PLA2G6: variants seen among roughly 807,000 people sequenced by gnomAD.
PLA2G6 encodes the protein phospholipase A2 group VI.
PLA2G6 carries 62 observed loss-of-function variants against 83.8 expected under a neutral mutation model. The observed-to-expected ratio is 0.74, with a 90% CI of 0.60 to 0.91. The LOEUF is 0.91. Ranked by LOEUF, PLA2G6 falls within the 40% of genes least tolerant of loss-of-function variation. PLA2G6 has a pLI of 0.00. For synonymous variants in PLA2G6, 417 were observed against 449.8 expected (o/e 0.93, Z 0.92); for missense variants, 944 against 1,102.0 (o/e 0.86, Z 2.03).
intron 2 of PLA2G6, among the ~76,000 whole-genome samples, chr22:38,161,230 A>G (rs751999987): frequency 6.6e-6 from 1 of 152,150 alleles, no homozygotes; most frequent in Non-Finnish European, 1.5e-5. Flanking sequence ...AACAACCTTT[A>G]TTTCTCACAG....
intron 2 of PLA2G6, among the ~76,000 whole-genome samples, chr22:38,163,195 C>T (rs1011768749): frequency 6.6e-6 from 1 of 152,226 alleles, no homozygotes; most frequent in Non-Finnish European, 1.5e-5. Flanking sequence ...ACAGGCCCTT[C>T]CTGCCCACAG....
chr22:38,133,300 G>T (rs943114860), intron 6 of PLA2G6: 2 of 526,016 alleles, frequency 3.8e-6, no homozygotes, highest in East Asian at 3.3e-5. Context: ...CCTTGCAAAG[G>T]CTCCTCTGGG....
Position 38,159,855 on chromosome 22 carries a change from G to A in PLA2G6, c.209+9363C>T, listed in dbSNP as rs1281988285. Among the ~76,000 whole-genome samples, 4 of 152,120 alleles carry A rather than the reference G, an allele frequency of 2.6e-5. No homozygotes were observed. The East Asian group carries it at 7.7e-4, about 29-fold the overall frequency. On this transcript the variant is annotated intron_variant, in intron 2 of 16. Coordinates refer to ENST00000332509, the MANE Select transcript of PLA2G6 (RefSeq NM_003560.4). The stretch of plus-strand genomic sequence containing the variant: ...GACTTCCTTAAACAAGACACAAAAA[G>A]TACACCGTAAAGAAGATGAACAAAT...
chr22:38,131,110 A>G (rs1437757112), intron 7 of PLA2G6: 1 of 152,240 alleles, frequency 6.6e-6, no homozygotes, highest in Non-Finnish European at 1.5e-5. Flanking sequence ...AAGATGACCA[A>G]AGTCTATCAG....
chr22:38,127,325 A>C, intron 9 of PLA2G6: 1 of 1,294,004 alleles, frequency 7.7e-7, no homozygotes, highest in African/African-American at 1.5e-5. Context: ...GTGCGCAGCT[A>C]AGAAGGACGG....
rs2087147405 is a variant in PLA2G6 at position 38,115,697 on chromosome 22, G to A, written c.1880-16C>T. The A allele has an allele frequency of 1.9e-6, 3 of 1,590,324 alleles. No homozygotes were observed. Among genetic ancestry groups the A allele is most frequent in the Non-Finnish European group, 2.6e-6 (3 of 1,169,482 alleles). On this transcript the variant is annotated splice_polypyrimidine_tract_variant and intron_variant, in intron 13 of 16. Coordinates refer to ENST00000332509, the MANE Select transcript of PLA2G6 (RefSeq NM_003560.4). ...ACCAGCTGGTCTAGGGGCGGGGAAGGAGGGCGGCCCAGTGGCACAAGGGAC... is the reference window on the plus strand; with the variant it reads ...ACCAGCTGGTCTAGGGGCGGGGAAGAAGGGCGGCCCAGTGGCACAAGGGAC...
chr22:38,179,895 T>C (rs557340102), intron 1 of PLA2G6, among the ~76,000 whole-genome samples: 1 of 151,824 alleles, frequency 6.6e-6, no homozygotes, highest in African/African-American at 2.4e-5. Flanking sequence ...ACTGGGGATA[T>C]AAATTTGTGG....
chr22:38,169,090 C>T (rs1008049535), intron 2 of PLA2G6, 128 bp downstream of exon 2: 4 of 766,768 alleles, frequency 5.2e-6, no homozygotes, highest in Non-Finnish European at 6.8e-6. Context: ...AGTCTCCCCT[C>T]TCTCCCACCC....
Position 38,169,208 on chromosome 22 carries a change from C to CA in PLA2G6, c.209+9dup, listed in dbSNP as rs769384129. 386 of 1,600,978 alleles carry CA rather than the reference C, an allele frequency of 2.4e-4. No homozygotes were observed. In the African/African-American group the frequency reaches 4.2e-3, roughly 17 times the overall value. On this transcript the variant is annotated intron_variant, in intron 2 of 16. Transcript: ENST00000332509. Reference sequence around the variant, plus strand: ...AGGAGAGAAGTATGTTCCCGCTGAGCATCACCCACCGGAATCCACTCTGTG... The same window carrying CA: ...AGGAGAGAAGTATGTTCCCGCTGAGCAATCACCCACCGGAATCCACTCTGTG...
intron 6 of PLA2G6, 98 bp from the exon 7 acceptor site, chr22:38,133,111 A>G: frequency 8.7e-7 from 1 of 1,154,796 alleles, no homozygotes; most frequent in Non-Finnish European, 1.2e-6. Flanking sequence ...AGAGGCCTAC[A>G]GGTACTGGGA....
At chr22:38,151,593 A>G (rs571241694) in intron 2 of PLA2G6, among the ~76,000 whole-genome samples, 1 of 152,332 alleles carries the variant, frequency 6.6e-6, no homozygotes, top group African/African-American at 2.4e-5. Context: ...ATGCTTAAAG[A>G]GGCATGAAAG....
At chr22:38,125,789 T>C (rs967423288) in intron 10 of PLA2G6, 5 of 456,164 alleles carry the variant, frequency 1.1e-5, no homozygotes, top group African/African-American at 1.0e-4. Context: ...TCAAGGGAGG[T>C]GGCGACAGCA....
Position 38,126,422 on chromosome 22 carries a change from C to T in PLA2G6, c.1376G>A (p.Arg459Gln), listed in dbSNP as rs763827059. ...LELQDLMHIS[R>Q]ARKPAFILGS... is the part of the protein sequence containing the mutation. ...CAGGATGAACGCTGGCTTCCGGGCCCGTGAGATGTGCATGAGATCCTGTAG... is the reference window on the plus strand; with the variant it reads ...CAGGATGAACGCTGGCTTCCGGGCCTGTGAGATGTGCATGAGATCCTGTAG... The change falls in exon 10 of 17, where the codon CGG becomes CAG. Residue 459 changes from arginine to glutamine, a missense_variant. Arg to Gln is a conservative substitution (Grantham distance 43). Coordinates refer to ENST00000332509, the MANE Select transcript of PLA2G6 (RefSeq NM_003560.4). 2.5e-6 allele frequency: 4 copies of T among 1,613,566 alleles called. No homozygotes were observed. Among genetic ancestry groups the T allele is most frequent in the South Asian group, 1.1e-5 (1 of 91,078 alleles).
intron 2 of PLA2G6, among the ~76,000 whole-genome samples, chr22:38,166,404 G>A (rs1212878122): frequency 6.6e-6 from 1 of 152,140 alleles, no homozygotes; most frequent in Non-Finnish European, 1.5e-5. Context: ...AGCTATGACT[G>A]TGAAAATAAA....
At chr22:38,131,588 T>G (rs916314310) in intron 7 of PLA2G6, 1 of 153,338 alleles carries the variant, frequency 6.5e-6, no homozygotes, top group African/African-American at 2.4e-5. Flanking sequence ...GCCCACCCAG[T>G]GCTAAAAATG....
rs371920697 is a variant in PLA2G6 at position 38,143,273 on chromosome 22, C to A, written c.441G>T (p.Ala147=). Residue 147 remains alanine (A), a synonymous_variant, in exon 4 of 17, where the codon GCG becomes GCT. Coordinates refer to ENST00000332509, the MANE Select transcript of PLA2G6 (RefSeq NM_003560.4). ...GGGGTGTGCAGCCCTCCTCGTTCTC[C>A]GCGCAATTGGCACAGCTGCAGGAGA... ...HSRIISCANC[A]ENEEGCTPLH... is the part of the protein sequence containing the mutation. 6.2e-7 allele frequency: 1 copy of A among 1,612,660 alleles called. No individual in the cohort carries two copies. The highest frequency in any genetic ancestry group is 8.5e-7 in the Non-Finnish European group (1 of 1,180,030).
chr22:38,148,367 C>A, intron 2 of PLA2G6: 1 of 607,786 alleles, frequency 1.6e-6, no homozygotes, highest in South Asian at 1.9e-5. Context: ...CTTCCACTTT[C>A]CATTAACAGC....
At chr22:38,119,563 A>G (rs1487387875) in intron 12 of PLA2G6, among the ~76,000 whole-genome samples, 3 of 152,228 alleles carry the variant, frequency 2.0e-5, no homozygotes, top group African/African-American at 7.2e-5. Context: ...TAGGCTGGGC[A>G]TGGTGGCTGA....
In PLA2G6 at chr22:38,112,525, A is replaced by T; in HGVS notation, c.2255T>A (p.Met752Lys). The T allele has an allele frequency of 6.4e-7, 1 of 1,556,028 alleles. No individual in the cohort carries two copies. Among genetic ancestry groups the T allele is most frequent in the South Asian group, 1.2e-5 (1 of 84,840 alleles). The part of the protein sequence containing the change: ...AVDRARAWCE[M>K]VGIQYFRLNP... ...TCACCTGAAGTACTGGATGCCGACC[A>T]TCTCGCACCAGGCCCGTGCCCGGTC... Residue 752 changes from methionine (M) to lysine (K), a missense_variant, in exon 16 of 17, where the codon ATG (methionine) becomes AAG (lysine). Coordinates refer to ENST00000332509, the MANE Select transcript of PLA2G6 (RefSeq NM_003560.4).
Sources: allele counts gnomAD v4.1 joint callset (sites outside exome capture counted in the v4.1 genomes callset), GRCh38; gene constraint gnomAD v4.1.1; transcripts MANE v1.5; gene names NCBI Gene and HGNC (gene_info 2026-07-23, HGNC 2026-07-21).